The following PSMG2 variants were observed in gnomAD, a reference collection of about 807,000 sequenced individuals.
PSMG2 encodes proteasome assembly chaperone 2, also known as CD40 ligand-activated specific transcript 3.
In PSMG2, 21 loss-of-function variants were observed where a neutral mutation model predicts 31.5. The observed-to-expected ratio is 0.67, with a 90% CI of 0.47 to 0.96. The LOEUF (loss-of-function observed/expected upper bound fraction) is 0.96, where lower values mean the gene tolerates loss of function less well. Ranked by LOEUF, PSMG2 falls within the 40% of genes least tolerant of loss-of-function variation. The probability of loss-of-function intolerance (pLI) is 0.00; values close to 1 mark genes in which losing one functional copy is unlikely to be tolerated. For missense variants in PSMG2, 318 were observed against 321.2 expected (o/e 0.99, Z 0.08); for synonymous variants, 120 against 110.4 (o/e 1.09, Z -0.54).
chr18:12,723,002 A>G (rs991140563), intron 5 of PSMG2, among the ~76,000 whole-genome samples: 1 of 152,222 alleles, frequency 6.6e-6, no homozygotes, highest in African/African-American at 2.4e-5. Context: ...ACAAAGATTG[A>G]GAGCCCCTAA....
Position 12,725,628 on chromosome 18 carries a change from A to G in PSMG2, c.*97A>G. ...AAAATTGTATGATCTGGTATTAGGA[A>G]ATTACTTTCACAGTAAATATCAAAG... On this transcript the variant is annotated 3_prime_UTR_variant, in exon 7 of 7. Transcript: ENST00000317615. The G allele has an allele frequency of 3.8e-6, 3 of 795,388 alleles. No individual in the cohort carries two copies. Among genetic ancestry groups the G allele is most frequent in the Middle Eastern group, 2.5e-4 (1 of 4,048 alleles). 49.3% of individuals were successfully genotyped at this position (795,388 alleles called of 1,614,324 possible).
intron 1 of PSMG2, chr18:12,686,020 G>A (rs2039528337): frequency 5.8e-6 from 2 of 344,640 alleles, no homozygotes; most frequent in Admixed American, 4.4e-5. Flanking sequence ...TCAATACAAT[G>A]TAAATGCTAC....
At position 12,720,701 on chromosome 18, in the gene PSMG2, T is replaced by A. The variant is rs1272914519; in HGVS notation, c.581+18T>A. 63 of 1,599,508 alleles carry A rather than the reference T, an allele frequency of 3.9e-5. No homozygotes were observed. The highest frequency in any genetic ancestry group is 4.9e-5 in the Non-Finnish European group (58 of 1,173,158). ...GATGAAAGGTGAGTTTGTTTGCCTG[T>A]TCATTTGTTTCCCACTTTACTTAAA... On this transcript the variant is annotated intron_variant, in intron 5 of 6. Transcript: ENST00000317615.
intron 1 of PSMG2, among the ~76,000 whole-genome samples, chr18:12,659,783 G>A (rs547753619): frequency 6.2e-4 from 95 of 152,238 alleles, no homozygotes; most frequent in African/African-American, 2.1e-3. Context: ...TTAATTATAG[G>A]TTCATAATCT....
intron 1 of PSMG2, among the ~76,000 whole-genome samples, chr18:12,681,256 ATTTT>A (rs34816720): frequency 2.4e-4 from 28 of 115,374 alleles, no homozygotes; most frequent in Non-Finnish European, 3.8e-4. Flanking sequence ...AAAGTAGAAC[ATTTT>A]TTTTTTTTTT....
intron 1 of PSMG2, among the ~76,000 whole-genome samples, chr18:12,667,485 G>C (rs1416196082): frequency 6.6e-6 from 1 of 152,128 alleles, no homozygotes; most frequent in Non-Finnish European, 1.5e-5. Flanking sequence ...TATTCGGCCA[G>C]GCCGGGTGGC....
chr18:12,721,432 G>C (rs534110796), intron 5 of PSMG2, among the ~76,000 whole-genome samples: 1 of 151,790 alleles, frequency 6.6e-6, no homozygotes, highest in Non-Finnish European at 1.5e-5. Context: ...ATATTTAAGC[G>C]TACAATCAAG....
chr18:12,666,811 A>C (rs1282019831), intron 1 of PSMG2, among the ~76,000 whole-genome samples: 1 of 152,068 alleles, frequency 6.6e-6, no homozygotes, highest in Non-Finnish European at 1.5e-5. Context: ...CTACTTTATC[A>C]CAAACAAGCT....
chr18:12,697,333 G>C, intron 1 of PSMG2: 2 of 1,613,694 alleles, frequency 1.2e-6, no homozygotes, highest in Non-Finnish European at 8.5e-7. Context: ...AAATATGTCT[G>C]TTTTGATTAG....
intron 1 of PSMG2, among the ~76,000 whole-genome samples, chr18:12,697,943 A>T (rs2040012581): frequency 6.6e-6 from 1 of 152,154 alleles, no homozygotes; most frequent in Non-Finnish European, 1.5e-5. Flanking sequence ...AGACATTCTG[A>T]AACTTTGCTT....
Position 12,724,479 on chromosome 18 carries a change from C to G in PSMG2, c.582-20C>G. Reference sequence around the variant, plus strand: ...TGTACCCTATGAAAGAATACTGATTCTTATTTTTATTTCTTGTAGCTGTTC... The same window carrying G: ...TGTACCCTATGAAAGAATACTGATTGTTATTTTTATTTCTTGTAGCTGTTC... On this transcript the variant is annotated intron_variant, in intron 5 of 6. Transcript: ENST00000317615. The G allele has an allele frequency of 3.8e-6, 6 of 1,580,600 alleles. No individual in the cohort carries two copies. The highest frequency in any genetic ancestry group is 5.1e-6 in the Non-Finnish European group (6 of 1,166,320).
chr18:12,673,543 C>A, intron 1 of PSMG2: 1 of 1,461,162 alleles, frequency 6.8e-7, no homozygotes, highest in Non-Finnish European at 9.3e-7. Flanking sequence ...AAGAAGTGAC[C>A]ATACACTTTA....
At chr18:12,702,749 C>G (rs1041286720), upstream of PSMG2, 84 of 608,120 alleles carry the variant, frequency 1.4e-4, no homozygotes, top group South Asian at 2.1e-4. Flanking sequence ...GCGGCGCCAA[C>G]TGTTTTCAAA....
chr18:12,662,053 T>C, intron 1 of PSMG2: 1 of 348,908 alleles, frequency 2.9e-6, no homozygotes. Flanking sequence ...TACTTCATGC[T>C]TCATACTCTG....
At chr18:12,695,510 C>T (rs911910956) in intron 1 of PSMG2, among the ~76,000 whole-genome samples, 6 of 152,052 alleles carry the variant, frequency 3.9e-5, no homozygotes, top group Non-Finnish European at 8.8e-5. Flanking sequence ...TTAAAATGAA[C>T]CAAATCAATT....
chr18:12,702,693 G>T, upstream of PSMG2: 1 of 864,540 alleles, frequency 1.2e-6, no homozygotes, highest in Non-Finnish European at 1.7e-6. Context: ...GGGACGCAAC[G>T]CCGCGTCAGG....
upstream of PSMG2, chr18:12,702,626 C>G: frequency 6.8e-7 from 1 of 1,479,510 alleles, no homozygotes. Flanking sequence ...GGCCAGGGAG[C>G]GTTAGGAGCG....
rs2040271384 is a variant in PSMG2 at position 12,706,624 on chromosome 18, T to C, written c.132T>C (p.Ile44=). The C allele has an allele frequency of 6.2e-7, 1 of 1,614,074 alleles. No individual in the cohort carries two copies. Among genetic ancestry groups the C allele is most frequent in the Admixed American group, 1.7e-5 (1 of 59,998 alleles). The part of the protein sequence containing the change: ...LIISTLNMSK[I]GYFYTDCLVP... ...TTTCTACACTGAATATGTCTAAGAT[T>C]GGTTACTTCTATACCGATTGTCTTG... The change falls in exon 2 of 7, where the codon ATT becomes ATC. Residue 44 remains isoleucine, a synonymous_variant. Transcript: ENST00000317615.
At position 12,711,991 on chromosome 18, in the gene PSMG2, T is replaced by C. The variant is rs796807392; in HGVS notation, c.230-711T>C. 5.9e-5 allele frequency among the ~76,000 whole-genome samples: 9 copies of C among 152,156 alleles called. No homozygotes were observed. In the East Asian group the frequency reaches 1.2e-3, roughly 20 times the overall value. ...CTAGGATGATCTTGATCTCCTGACC[T>C]TGTGATCCACCTGCCTCAGCCTCCC... is the stretch of plus-strand genomic sequence containing the variant. On this transcript the variant is annotated intron_variant, in intron 2 of 6. Transcript: ENST00000317615.
Sources: allele counts gnomAD v4.1 joint callset (sites outside exome capture counted in the v4.1 genomes callset), GRCh38; gene constraint gnomAD v4.1.1; transcripts MANE v1.5; gene names NCBI Gene and HGNC (gene_info 2026-07-23, HGNC 2026-07-21).